Variants in AKAP13 observed in about 807,000 individuals in gnomAD.
AKAP13 encodes the protein A-kinase anchoring protein 13.
A neutral mutation model predicts 264.5 loss-of-function variants in AKAP13; 80 were observed. That is an observed-to-expected ratio of 0.30 (90% CI 0.25 to 0.36). AKAP13 has a LOEUF of 0.36. Ranked by LOEUF, AKAP13 falls within the 10% of genes least tolerant of loss-of-function variation. The probability of loss-of-function intolerance (pLI) is 1.00; values close to 1 mark genes in which losing one functional copy is unlikely to be tolerated. For missense variants in AKAP13, 3,712 were observed against 3,435.2 expected (o/e 1.08, Z -2.01); for synonymous variants, 1,380 against 1,250.2 (o/e 1.10, Z -2.19).
intron 1 of AKAP13, among the ~76,000 whole-genome samples, chr15:85,446,703 T>C (rs1051504015): frequency 1.5e-5 from 2 of 132,836 alleles, no homozygotes; most frequent in African/African-American, 6.2e-5. Flanking sequence ...CCCTTCTTTT[T>C]CTTTTTCTTT....
chr15:85,488,035 C>T (rs1411685709), intron 2 of AKAP13, among the ~76,000 whole-genome samples: 2 of 152,218 alleles, frequency 1.3e-5, no homozygotes, highest in Admixed American at 6.5e-5. Flanking sequence ...GTAGCTGGAA[C>T]CACAGGCATG....
intron 13 of AKAP13, among the ~76,000 whole-genome samples, chr15:85,665,852 C>G (rs541129242): frequency 3.3e-5 from 5 of 152,336 alleles, no homozygotes; most frequent in South Asian, 4.1e-4. Flanking sequence ...CTGCAAAGGA[C>G]ATGAACTCAT....
intron 10 of AKAP13, among the ~76,000 whole-genome samples, chr15:85,650,791 C>CAAAAAAAAA (rs1191739643): frequency 3.1e-5 from 2 of 65,148 alleles, no homozygotes; most frequent in Admixed American, 1.8e-4. Context: ...AAAAAAAAAA[C>CAAAAAAAAA]AACAAAAACT....
chr15:85,385,045 A>C (rs1001566352), intron 1 of AKAP13, among the ~76,000 whole-genome samples: 1 of 152,192 alleles, frequency 6.6e-6, no homozygotes, highest in African/African-American at 2.4e-5. Flanking sequence ...TTGACCATTT[A>C]TGTCACTCTG....
At chr15:85,605,978 G>C (rs538355467) in intron 8 of AKAP13, among the ~76,000 whole-genome samples, 1 of 151,944 alleles carries the variant, frequency 6.6e-6, no homozygotes, top group Non-Finnish European at 1.5e-5. Context: ...GTTTGTAGTG[G>C]GCAGAGTGGA....
chr15:85,395,309 C>G (rs1336628927), intron 1 of AKAP13, among the ~76,000 whole-genome samples: 2 of 152,108 alleles, frequency 1.3e-5, no homozygotes, highest in Non-Finnish European at 2.9e-5. Context: ...TGTTGTTTTT[C>G]AAGTCTTTCT....
At position 85,581,728 on chromosome 15, in the gene AKAP13, T is replaced by A. The variant is rs2079145136; in HGVS notation, c.3660T>A (p.Pro1220=). 1 of 1,614,164 alleles carries A rather than the reference T, an allele frequency of 6.2e-7. No individual in the cohort carries two copies. Among genetic ancestry groups the A allele is most frequent in the East Asian group, 2.2e-5 (1 of 44,870 alleles). ...AGVREVMRAP[P]SGRERSTPSL... ...TGAGGGAAGTCATGCGAGCCCCGCC[T>A]TCAGGCAGGGAAAGGAGCACTCCCT... Residue 1220 remains proline (P), a synonymous_variant, in exon 7 of 37, where the codon CCT becomes CCA. Coordinates refer to ENST00000394518, the MANE Select transcript of AKAP13 (RefSeq NM_007200.5).
intron 1 of AKAP13, among the ~76,000 whole-genome samples, chr15:85,461,033 CTCTG>C (rs1555431739): frequency 1.3e-5 from 2 of 151,922 alleles, no homozygotes; most frequent in African/African-American, 2.4e-5. Flanking sequence ...ATTGCATCTT[CTCTG>C]TCTTATCAAG....
intron 14 of AKAP13, among the ~76,000 whole-genome samples, chr15:85,670,375 A>G (rs1364073494): frequency 6.6e-6 from 1 of 151,886 alleles, no homozygotes. Context: ...GTATATGGGT[A>G]CCATATACTG....
rs66624781 is a variant in AKAP13 at position 85,650,755 on chromosome 15, C to CAAAAAAAAAAAAAAAAAAAAAAAAAA, written c.4375-4652_4375-4627dup. ...TGGGCAACAGAGTGAGACTCCATCT[C>CAAAAAAAAAAAAAAAAAAAAAAAAAA]AAAAAAAAAAAAAAAAAAAAAAAAA... On this transcript the variant is annotated intron_variant, in intron 10 of 36. Transcript: ENST00000394518. Among the ~76,000 whole-genome samples the CAAAAAAAAAAAAAAAAAAAAAAAAAA allele has an allele frequency of 6.4e-4, 21 of 32,616 alleles. 2 individuals carry two copies. Among genetic ancestry groups the CAAAAAAAAAAAAAAAAAAAAAAAAAA allele is most frequent in the Middle Eastern group, 0.036 (1 of 28 alleles). 21.4% of individuals were successfully genotyped at this position (32,616 alleles called of 152,430 possible).
intron 19 of AKAP13, among the ~76,000 whole-genome samples, chr15:85,711,818 G>C (rs1342001490): frequency 6.6e-6 from 1 of 152,124 alleles, no homozygotes; most frequent in Non-Finnish European, 1.5e-5. Context: ...AGCATTCTGT[G>C]TTTTTTTGTG....
At chr15:85,424,163 T>C (rs974969447) in intron 1 of AKAP13, among the ~76,000 whole-genome samples, 22 of 152,232 alleles carry the variant, frequency 1.4e-4, no homozygotes, top group African/African-American at 5.3e-4. Flanking sequence ...AGAGTCAGCT[T>C]GTCCTTTGAG....
intron 2 of AKAP13, among the ~76,000 whole-genome samples, chr15:85,498,370 G>C (rs2075948563): frequency 6.6e-6 from 1 of 151,582 alleles, no homozygotes; most frequent in Non-Finnish European, 1.5e-5. Flanking sequence ...TGCGCTGAGA[G>C]CTCTTTCCCT....
At chr15:85,528,464 TA>T (rs1239871850) in intron 3 of AKAP13, among the ~76,000 whole-genome samples, 1 of 152,216 alleles carries the variant, frequency 6.6e-6, no homozygotes, top group Admixed American at 6.5e-5. Flanking sequence ...TAGCTAATAA[TA>T]AAAACTACCA....
chr15:85,677,759 C>A (rs563073049), intron 14 of AKAP13, among the ~76,000 whole-genome samples: 2 of 151,812 alleles, frequency 1.3e-5, no homozygotes, highest in Non-Finnish European at 2.9e-5. Flanking sequence ...CTCAGCCTCC[C>A]GGGTAGCCTC....
chr15:85,507,476 A>G (rs1326889510), intron 2 of AKAP13, among the ~76,000 whole-genome samples: 1 of 152,142 alleles, frequency 6.6e-6, no homozygotes, highest in Non-Finnish European at 1.5e-5. Context: ...CTTCACAGAT[A>G]AAGTTTGCCA....
intron 6 of AKAP13, among the ~76,000 whole-genome samples, chr15:85,575,932 G>A (rs1397750627): frequency 6.6e-6 from 1 of 152,232 alleles, no homozygotes; most frequent in Non-Finnish European, 1.5e-5. Context: ...GTTGCAGTGA[G>A]CTGAGATGAC....
chr15:85,517,195 CCTGT>C (rs2076635062), intron 2 of AKAP13, among the ~76,000 whole-genome samples: 1 of 152,174 alleles, frequency 6.6e-6, no homozygotes, highest in African/African-American at 2.4e-5. Context: ...TCAGTGCCAT[CCTGT>C]CTTTCACTCT....
rs1455880622 is a variant in AKAP13 at position 85,399,518 on chromosome 15, A to T, written c.-12+18720A>T. The stretch of plus-strand genomic sequence containing the variant: ...ACTCCGTCTCAAAAAAAAAAAAAAA[A>T]AAAATAAAAAAATAAAAAAATAAAT... On this transcript the variant is annotated intron_variant, in intron 1 of 36. Transcript: ENST00000394518. 5.3e-4 allele frequency among the ~76,000 whole-genome samples: 67 copies of T among 126,982 alleles called. 1 individual carries two copies. Among genetic ancestry groups the T allele is most frequent in the South Asian group, 5.3e-3 (23 of 4,378 alleles). 83.3% of individuals were successfully genotyped at this position (126,982 alleles called of 152,430 possible). A position where few individuals can be genotyped will look rare whatever the true frequency, so the allele number is the denominator to read the frequency against.
Sources: allele counts gnomAD v4.1 joint callset (sites outside exome capture counted in the v4.1 genomes callset), GRCh38; gene constraint gnomAD v4.1.1; transcripts MANE v1.5; gene names NCBI Gene and HGNC (gene_info 2026-07-23, HGNC 2026-07-21).